ESRRG: variants seen among roughly 807,000 people sequenced by gnomAD.
The protein encoded by ESRRG is estrogen-related receptor gamma.
Under a neutral mutation model 44.0 loss-of-function variants are expected in ESRRG, and 13 were observed. The ratio of observed to expected loss-of-function variants is 0.30; its 90% CI spans 0.19 to 0.47. The LOEUF (loss-of-function observed/expected upper bound fraction) is 0.47, where lower values mean the gene tolerates loss of function less well. ESRRG is among the 20% of genes least tolerant of loss of function. The probability of loss-of-function intolerance (pLI) is 1.00; values close to 1 mark genes in which losing one functional copy is unlikely to be tolerated. For missense variants in ESRRG, 395 were observed against 580.6 expected, an observed-to-expected ratio of 0.68 and a Z score of 3.29; for synonymous variants, 215 against 214.6, an observed-to-expected ratio of 1.00 and a Z score of -0.02.
chr1:216,820,699 C>T (rs767643940), intron 2 of ESRRG, among the ~76,000 whole-genome samples: 1 of 152,214 alleles, frequency 6.6e-6, no homozygotes, highest in Non-Finnish European at 1.5e-5. Context: ...ACAAACAATA[C>T]ATTGCTTTGC....
At chr1:216,589,903 CAAAAAAAAAA>C (rs58458686) in intron 3 of ESRRG, among the ~76,000 whole-genome samples, 2 of 32,242 alleles carry the variant, frequency 6.2e-5, no homozygotes, top group Admixed American at 4.9e-4. Flanking sequence ...AACTCTGTCT[CAAAAAAAAAA>C]AAAAAAAAAA....
intron 2 of ESRRG, among the ~76,000 whole-genome samples, chr1:216,776,337 C>T (rs1286154282): frequency 1.3e-5 from 2 of 152,106 alleles, no homozygotes; most frequent in Non-Finnish European, 2.9e-5. Flanking sequence ...CTGACTTAAC[C>T]TAGTGTCCTT....
chr1:216,669,553 A>C (rs2074706654), intron 2 of ESRRG, among the ~76,000 whole-genome samples: 1 of 152,258 alleles, frequency 6.6e-6, no homozygotes, highest in Non-Finnish European at 1.5e-5. Flanking sequence ...CATCAAATGC[A>C]AGAAGTGGAA....
chr1:216,644,180 G>A (rs192437057), intron 3 of ESRRG, among the ~76,000 whole-genome samples: 267 of 152,236 alleles, frequency 1.8e-3, no homozygotes, highest in African/African-American at 5.8e-3. Context: ...GTCTTAACAT[G>A]ATAATTAAAT....
intron 2 of ESRRG, among the ~76,000 whole-genome samples, chr1:216,782,480 A>G (rs923179959): frequency 6.6e-6 from 1 of 152,104 alleles, no homozygotes; most frequent in African/African-American, 2.4e-5. Flanking sequence ...GAAACTAAAA[A>G]ATTCAAGCCT....
chr1:216,922,895 A>T lies in ESRRG; in HGVS notation c.-14+16687T>A, dbSNP rs10779285. Among the ~76,000 whole-genome samples the T allele has an allele frequency of 2.0e-5, 3 of 151,948 alleles. No individual in the cohort carries two copies. In the East Asian group the frequency reaches 5.8e-4, roughly 29 times the overall value. On this transcript the variant is annotated intron_variant, in intron 2 of 7. Coordinates refer to the ESRRG transcript ENST00000359162. ...GTATTTGACACCCCAGTCTTCCCTA[A>T]GCCTCCACTCCTACCCTTTCACGCC...
intron 1 of ESRRG, among the ~76,000 whole-genome samples, chr1:216,682,709 A>AGTGTGTGTGTGTGT (rs72420221): frequency 0.023 from 3,270 of 144,702 alleles, 130 homozygotes; most frequent in African/African-American, 0.074. Context: ...AATACTCTAT[A>AGTGTGTGTGTGTGT]GTGTGTGTGT....
intron 1 of ESRRG, among the ~76,000 whole-genome samples, chr1:216,981,184 CTG>C (rs1470684705): frequency 6.6e-6 from 1 of 152,184 alleles, no homozygotes; most frequent in Non-Finnish European, 1.5e-5. Flanking sequence ...ATGTATATAT[CTG>C]TCTTTCCATT....
At position 216,618,268 on chromosome 1, in the gene ESRRG, C is replaced by T. The variant is rs977335356; in HGVS notation, c.589+32705G>A. ...TTATGGATATACCCTGATAGATTTGCGTGTTTTCCCAATAGTGGGGCGAGT... is the reference window on the plus strand; with the variant it reads ...TTATGGATATACCCTGATAGATTTGTGTGTTTTCCCAATAGTGGGGCGAGT... On this transcript the variant is annotated intron_variant, in intron 3 of 6. Coordinates refer to ENST00000408911, the MANE Select transcript of ESRRG (RefSeq NM_001438.4). Among the ~76,000 whole-genome samples, 3 of 152,182 alleles carry T rather than the reference C, an allele frequency of 2.0e-5. No homozygotes were observed. The East Asian group carries it at 5.8e-4, about 29-fold the overall frequency.
intron 2 of ESRRG, among the ~76,000 whole-genome samples, chr1:216,851,930 A>T (rs1275633476): frequency 6.6e-6 from 1 of 152,200 alleles, no homozygotes; most frequent in Non-Finnish European, 1.5e-5. Context: ...GATACAAAAA[A>T]AAAATCACCA....
intron 5 of ESRRG, among the ~76,000 whole-genome samples, chr1:216,532,291 C>G (rs1038116071): frequency 2.0e-5 from 3 of 152,090 alleles, no homozygotes; most frequent in African/African-American, 7.2e-5. Flanking sequence ...TACTTTTCCA[C>G]TTAATTAGAT....
chr1:216,996,890 T>C (rs2076435094), intron 1 of ESRRG, among the ~76,000 whole-genome samples: 1 of 152,130 alleles, frequency 6.6e-6, no homozygotes, highest in Admixed American at 6.5e-5. Flanking sequence ...GCATTAAATA[T>C]CTTTTGCAAG....
At chr1:216,885,291 A>C (rs1388239379) in intron 2 of ESRRG, among the ~76,000 whole-genome samples, 1 of 152,248 alleles carries the variant, frequency 6.6e-6, no homozygotes, top group African/African-American at 2.4e-5. Flanking sequence ...TATATAGTAC[A>C]TAGTAAAATA....
chr1:216,826,154 C>T (rs1354789364), intron 2 of ESRRG, among the ~76,000 whole-genome samples: 1 of 146,490 alleles, frequency 6.8e-6, no homozygotes, highest in African/African-American at 2.5e-5. Context: ...ATAAAGTGCT[C>T]AAGTCACTAT....
At chr1:217,064,046 A>G (rs2089144649) in intron 1 of ESRRG, among the ~76,000 whole-genome samples, 1 of 147,692 alleles carries the variant, frequency 6.8e-6, no homozygotes, top group Non-Finnish European at 1.5e-5. Context: ...ATAAATAGAT[A>G]TATACACACC....
chr1:216,552,557 G>C (rs1327233108), intron 5 of ESRRG, among the ~76,000 whole-genome samples: 1 of 152,166 alleles, frequency 6.6e-6, no homozygotes, highest in African/African-American at 2.4e-5. Flanking sequence ...GATTATCTCA[G>C]CAATCCATAC....
intron 3 of ESRRG, among the ~76,000 whole-genome samples, chr1:216,601,951 A>C (rs1013947636): frequency 1.3e-5 from 2 of 152,232 alleles, no homozygotes; most frequent in African/African-American, 2.4e-5. Context: ...GAGCGTTATT[A>C]AAATCCTCTT....
intron 2 of ESRRG, among the ~76,000 whole-genome samples, chr1:216,733,562 T>C (rs1308023334): frequency 6.6e-6 from 1 of 152,184 alleles, no homozygotes; most frequent in Non-Finnish European, 1.5e-5. Context: ...ACTTAATTCA[T>C]GTGCTCTTAT....
intron 2 of ESRRG, among the ~76,000 whole-genome samples, chr1:216,746,556 C>G (rs2091424076): frequency 6.6e-6 from 1 of 152,028 alleles, no homozygotes; most frequent in Non-Finnish European, 1.5e-5. Context: ...TTTTGCTTGC[C>G]TAATGATAGA....
Sources: allele counts gnomAD v4.1 joint callset (sites outside exome capture counted in the v4.1 genomes callset), GRCh38; gene constraint gnomAD v4.1.1; transcripts MANE v1.5; gene names NCBI Gene and HGNC (gene_info 2026-07-23, HGNC 2026-07-21).